Variants in INPP4A observed in about 807,000 individuals in gnomAD.
The protein encoded by INPP4A is inositol polyphosphate-4-phosphatase, type I, 107kD.
Under a neutral mutation model 119.8 loss-of-function variants are expected in INPP4A, and 33 were observed. The observed-to-expected ratio is 0.28, with a 90% CI of 0.21 to 0.37. The LOEUF (loss-of-function observed/expected upper bound fraction) is 0.37, where lower values mean the gene tolerates loss of function less well. INPP4A is among the 10% of genes least tolerant of loss of function. The pLI, the probability that INPP4A is intolerant of heterozygous loss-of-function variation, is 1.00. For missense variants in INPP4A, 956 were observed against 1,289.9 expected, an observed-to-expected ratio of 0.74 and a Z score of 3.97; for synonymous variants, 496 against 500.7, an observed-to-expected ratio of 0.99 and a Z score of 0.12.
intron 17 of INPP4A, 115 bp downstream of exon 17, chr2:98,559,610 C>T: frequency 1.8e-6 from 2 of 1,105,560 alleles, no homozygotes; most frequent in African/African-American, 1.6e-5. Flanking sequence ...GGAAAGTATT[C>T]CAGGACCTCC....
At chr2:98,576,459 T>C (rs1396810709) in intron 23 of INPP4A, among the ~76,000 whole-genome samples, 1 of 152,118 alleles carries the variant, frequency 6.6e-6, no homozygotes, top group Admixed American at 6.5e-5. Context: ...CAAAGGGCAG[T>C]GCAACTTCTG....
At chr2:98,497,896 A>G (rs1241564947) in intron 1 of INPP4A, among the ~76,000 whole-genome samples, 1 of 151,846 alleles carries the variant, frequency 6.6e-6, no homozygotes, top group Non-Finnish European at 1.5e-5. Context: ...ATTTTGGCCA[A>G]TTTCTCCCAT....
chr2:98,576,429 G>C (rs1405709839), intron 23 of INPP4A, among the ~76,000 whole-genome samples: 1 of 152,194 alleles, frequency 6.6e-6, no homozygotes, highest in Admixed American at 6.5e-5. Context: ...GGCCTGTGGG[G>C]CTGGTGGTCA....
intron 13 of INPP4A, among the ~76,000 whole-genome samples, chr2:98,547,981 G>T (rs1352119323): frequency 1.3e-5 from 2 of 152,184 alleles, no homozygotes; most frequent in African/African-American, 4.8e-5. Flanking sequence ...ATGTGCCATG[G>T]AGCTGGTGGT....
intron 23 of INPP4A, among the ~76,000 whole-genome samples, chr2:98,574,495 A>G (rs1698073045): frequency 6.6e-6 from 1 of 151,972 alleles, no homozygotes; most frequent in African/African-American, 2.4e-5. Flanking sequence ...AAAATTAGCC[A>G]GGCGTGGTGA....
rs958978188 is a variant in INPP4A at position 98,569,602 on chromosome 2, C to T, written c.2518+934C>T. 6.6e-6 allele frequency: 1 copy of T among 152,214 alleles called. No individual in the cohort carries two copies. 9.4% of individuals were successfully genotyped at this position (152,214 alleles called of 1,614,324 possible). A position where few individuals can be genotyped will look rare whatever the true frequency, so the allele number is the denominator to read the frequency against. ...TCACAGGTCACGGATGTGCCAGACACTGGGCTGGGCTCTACATACGTTTCC... is the reference window on the plus strand; with the variant it reads ...TCACAGGTCACGGATGTGCCAGACATTGGGCTGGGCTCTACATACGTTTCC... On this transcript the variant is annotated intron_variant, in intron 22 of 24. Transcript: ENST00000409851. This position sits in a 1 kb window ranked among gnomAD's most constrained non-coding sequence, Gnocchi z 5.1.
intron 24 of INPP4A, among the ~76,000 whole-genome samples, chr2:98,581,169 G>A (rs997556804): frequency 1.1e-4 from 17 of 152,188 alleles, no homozygotes; most frequent in East Asian, 1.9e-4. Flanking sequence ...TTCATGTTCC[G>A]CTTGCTTCTC....
rs1689638997 is a variant in INPP4A at position 98,533,482 on chromosome 2, C to T, written c.257C>T (p.Thr86Met). The T allele has an allele frequency of 1.2e-6, 2 of 1,608,422 alleles. No homozygotes were observed. The highest frequency in any genetic ancestry group is 1.7e-6 in the Non-Finnish European group (2 of 1,174,982). Residue 86 changes from threonine (T) to methionine (M), a missense_variant, in exon 5 of 25, where the codon ACG becomes ATG. This residue lies in a region of INPP4A where 652 missense variants were observed against 797.9 expected (regional missense o/e 0.82). Coordinates refer to ENST00000409851, the MANE Select transcript of INPP4A (RefSeq NM_001134225.2). Reference protein sequence around the residue: ...PQAFWTKHAQTEIIEGTNNPI... With the variant: ...PQAFWTKHAQMEIIEGTNNPI... ...GCATTCTGGACGAAGCATGCACAGA[C>T]GGAGATCATTGAGGTGGGTGCTGGT...
rs1248097881 is a variant in INPP4A, at chr2:98,537,850, T to C, written c.468-13T>C. 20 of 1,578,020 alleles carry C rather than the reference T, an allele frequency of 1.3e-5. No individual in the cohort carries two copies. The highest frequency in any genetic ancestry group is 3.3e-4 in the Middle Eastern group (2 of 6,026). On this transcript the variant is annotated splice_polypyrimidine_tract_variant and intron_variant, in intron 7 of 24. Transcript: ENST00000409851. Reference sequence around the variant, plus strand: ...TTGCAGCACCACTCATTAAAGCATGTTGTGCATCACAGGTCTGCAGAGAGT... The same window carrying C: ...TTGCAGCACCACTCATTAAAGCATGCTGTGCATCACAGGTCTGCAGAGAGT...
At chr2:98,481,556 T>C (rs780446864) in intron 1 of INPP4A, among the ~76,000 whole-genome samples, 3 of 152,200 alleles carry the variant, frequency 2.0e-5, no homozygotes, top group Non-Finnish European at 2.9e-5. Context: ...GTTTTAGATA[T>C]AAAGATTCAG....
chr2:98,546,782 A>G lies in INPP4A; in HGVS notation c.1163+88A>G, dbSNP rs962163762. 10 of 839,386 alleles carry G rather than the reference A, an allele frequency of 1.2e-5. No homozygotes were observed. The highest frequency in any genetic ancestry group is 2.1e-5 in the Admixed American group (1 of 48,058). 52.0% of individuals were successfully genotyped at this position (839,386 alleles called of 1,614,324 possible). On this transcript the variant is annotated intron_variant, in intron 13 of 24. Transcript: ENST00000409851. This position sits in a 1 kb window ranked among gnomAD's most constrained non-coding sequence, Gnocchi z 4.2. ...AAAATAAAATCAAAATATGACCGCA[A>G]AAACACCCAGCCATCTGATCTGCTT... is the stretch of plus-strand genomic sequence containing the variant.
At chr2:98,547,830 C>G (rs1294970347) in intron 13 of INPP4A, among the ~76,000 whole-genome samples, 1 of 151,974 alleles carries the variant, frequency 6.6e-6, no homozygotes, top group Non-Finnish European at 1.5e-5. Context: ...CAAGCAGAAG[C>G]ATCCGTCGAC....
intron 1 of INPP4A, among the ~76,000 whole-genome samples, chr2:98,446,292 A>G (rs146434459): frequency 1.3e-5 from 2 of 152,260 alleles, no homozygotes; most frequent in East Asian, 3.9e-4. Flanking sequence ...ACTTTCTTTA[A>G]CGGAAATTTT....
chr2:98,459,443 T>C (rs1214210737), intron 1 of INPP4A, among the ~76,000 whole-genome samples: 3 of 152,218 alleles, frequency 2.0e-5, no homozygotes, highest in Non-Finnish European at 4.4e-5. Flanking sequence ...GGGGGACACC[T>C]GTGTCCGTGT....
Position 98,566,979 on chromosome 2 carries a change from TCCAACC to T in INPP4A, c.2420+814_2420+819del, listed in dbSNP as rs1271853034. 1.3e-5 allele frequency among the ~76,000 whole-genome samples: 2 copies of T among 152,188 alleles called. No individual in the cohort carries two copies. The highest frequency in any genetic ancestry group is 4.8e-5 in the African/African-American group (2 of 41,438). On this transcript the variant is annotated intron_variant, in intron 21 of 24. Transcript: ENST00000409851. This position sits in a 1 kb window ranked among gnomAD's most constrained non-coding sequence, Gnocchi z 4.2. ...CGTGTTCCTGCTGGGCCTTCTGATG[TCCAACC>T]CCAGTGGTTGATGTCCATTGACGCC...
intron 1 of INPP4A, among the ~76,000 whole-genome samples, chr2:98,464,222 CA>C (rs1574528101): frequency 1.3e-5 from 2 of 152,024 alleles, no homozygotes; most frequent in East Asian, 3.9e-4. Context: ...GAGTCTCGAA[CA>C]AAATGGGGCA....
At chr2:98,519,743 C>T in intron 2 of INPP4A, 1 of 391,854 alleles carries the variant, frequency 2.6e-6, no homozygotes, top group Non-Finnish European at 4.7e-6. Flanking sequence ...CAAGGGATCC[C>T]ATGGACACCC....
rs953233235 is a variant in INPP4A at position 98,588,157 on chromosome 2, A to G, written c.*549A>G. The stretch of plus-strand genomic sequence containing the variant: ...TCTAGTGAATTATCCTATCTACACT[A>G]CCACCTGAAGAAGTTGAAAGAAAGA... On this transcript the variant is annotated 3_prime_UTR_variant, in exon 25 of 25. Coordinates refer to ENST00000409851, the MANE Select transcript of INPP4A (RefSeq NM_001134225.2). 6.1e-5 allele frequency: 13 copies of G among 211,740 alleles called. No homozygotes were observed. The highest frequency in any genetic ancestry group is 2.7e-4 in the African/African-American group (12 of 44,212). The allele number at this position is 211,740 out of a possible 1,614,324, so 13.1% of individuals were successfully genotyped here.
intron 17 of INPP4A, among the ~76,000 whole-genome samples, chr2:98,562,471 C>G (rs1695665592): frequency 6.6e-6 from 1 of 152,344 alleles, no homozygotes; most frequent in East Asian, 1.9e-4. Context: ...GCTCCCACAG[C>G]CCATGGCCTT....
Sources: allele counts gnomAD v4.1 joint callset (sites outside exome capture counted in the v4.1 genomes callset), GRCh38; gene constraint gnomAD v4.1.1; regional missense constraint gnomAD v4.1.1; non-coding constraint Gnocchi (gnomAD v3.1); transcripts MANE v1.5; gene names NCBI Gene and HGNC (gene_info 2026-07-23, HGNC 2026-07-21).